The following PXYLP1 variants were observed in gnomAD, a reference collection of about 807,000 sequenced individuals.
PXYLP1 encodes acid phosphatase-like 2.
Under a neutral mutation model 37.9 loss-of-function variants are expected in PXYLP1, and 17 were observed. The ratio of observed to expected loss-of-function variants is 0.45; its 90% confidence interval spans 0.31 to 0.67. The LOEUF is 0.67. Among genes scored for constraint, PXYLP1 ranks in the 30% least tolerant of loss-of-function variants. The probability of loss-of-function intolerance (pLI) is 0.07; values close to 1 mark genes in which losing one functional copy is unlikely to be tolerated. For missense variants in PXYLP1, 511 were observed against 612.0 expected (o/e 0.84, Z 1.74); for synonymous variants, 221 against 232.2 (o/e 0.95, Z 0.44).
intron 2 of PXYLP1, chr3:141,274,335 G>T: frequency 7.1e-7 from 1 of 1,401,792 alleles, no homozygotes. Flanking sequence ...CCCTGGTGAG[G>T]CCAACCTGAC....
intron 3 of PXYLP1, among the ~76,000 whole-genome samples, chr3:141,278,717 G>T (rs1486550687): frequency 6.6e-6 from 1 of 152,182 alleles, no homozygotes; most frequent in Non-Finnish European, 1.5e-5. Context: ...TTCAGTAACT[G>T]CTCTGAACAT....
chr3:141,243,432 C>T (rs1020756734), intron 1 of PXYLP1, among the ~76,000 whole-genome samples: 12 of 152,222 alleles, frequency 7.9e-5, no homozygotes, highest in Non-Finnish European at 1.6e-4. Flanking sequence ...TCCAGCCCTC[C>T]TCCACCCTGT....
intron 2 of PXYLP1, chr3:141,262,730 T>C: frequency 6.6e-6 from 10 of 1,524,076 alleles, no homozygotes; most frequent in Non-Finnish European, 8.8e-6. Flanking sequence ...TTAGGTAAAC[T>C]GTAACTTTGG....
At position 141,251,008 on chromosome 3, in the gene PXYLP1, A is replaced by G. The variant is rs190600415; in HGVS notation, c.-53-9115A>G. On this transcript the variant is annotated intron_variant, in intron 1 of 5. Coordinates refer to ENST00000286353, the MANE Select transcript of PXYLP1 (RefSeq NM_001037172.3). ...TCTAAGAGTGGTATTCAGCCTGGTC[A>G]GTGACGAGGTTTTCTGCCTAATGCA... is the stretch of plus-strand genomic sequence containing the variant. 4.7e-3 allele frequency among the ~76,000 whole-genome samples: 721 copies of G among 152,384 alleles called. 3 individuals are homozygous for G. Among genetic ancestry groups the G allele is most frequent in the Non-Finnish European group, 7.7e-3 (524 of 68,038 alleles).
chr3:141,266,970 C>T (rs1033656156), intron 2 of PXYLP1, among the ~76,000 whole-genome samples: 1 of 152,190 alleles, frequency 6.6e-6, no homozygotes, highest in Admixed American at 6.5e-5. Context: ...ACACCTTCCT[C>T]GGTGGTTCAG....
chr3:141,268,459 G>A (rs1941585867), intron 2 of PXYLP1, among the ~76,000 whole-genome samples: 1 of 152,114 alleles, frequency 6.6e-6, no homozygotes, highest in South Asian at 2.1e-4. Context: ...CGCCTGCTGA[G>A]CCAAGCCACG....
At chr3:141,282,161 C>A (rs1358534009) in intron 4 of PXYLP1, among the ~76,000 whole-genome samples, 1 of 152,066 alleles carries the variant, frequency 6.6e-6, no homozygotes, top group African/African-American at 2.4e-5. Flanking sequence ...CCTGACCTTG[C>A]CCTCCACTCT....
At position 141,292,185 on chromosome 3, in the gene PXYLP1, G is replaced by T; in HGVS notation, c.506-83G>T. 1 of 1,357,984 alleles carries T rather than the reference G, an allele frequency of 7.4e-7. No homozygotes were observed. The highest frequency in any genetic ancestry group is 1.4e-5 in the South Asian group (1 of 71,556). The allele number at this position is 1,357,984 out of a possible 1,614,324, so 84.1% of individuals were successfully genotyped here. ...CATTCTCTTGCCCTAAAACACTCCA[G>T]AGCCACACGCTGACTCCACCTCCCC... On this transcript the variant is annotated intron_variant, in intron 5 of 5. Transcript: ENST00000286353. This position sits in a 1 kb window ranked among gnomAD's most constrained non-coding sequence, Gnocchi z 4.3.
At chr3:141,272,075 A>T (rs1559890500) in intron 2 of PXYLP1, among the ~76,000 whole-genome samples, 1 of 152,206 alleles carries the variant, frequency 6.6e-6, no homozygotes, top group African/African-American at 2.4e-5. Flanking sequence ...ATATGCAGGT[A>T]GATTTCTGTC....
chr3:141,249,428 C>T (rs563931527), intron 1 of PXYLP1, among the ~76,000 whole-genome samples: 1 of 147,886 alleles, frequency 6.8e-6, no homozygotes, highest in Non-Finnish European at 1.5e-5. Context: ...TCAGGTGTGC[C>T]TGATTTACAT....
At chr3:141,233,987 C>T (rs1940596991) in intron 1 of PXYLP1, among the ~76,000 whole-genome samples, 1 of 152,126 alleles carries the variant, frequency 6.6e-6, no homozygotes, top group Non-Finnish European at 1.5e-5. Flanking sequence ...GAAGGAACCA[C>T]CTCTGTGGCC....
intron 2 of PXYLP1, chr3:141,262,837 C>T (rs1260558871): frequency 2.6e-6 from 2 of 759,240 alleles, no homozygotes; most frequent in Non-Finnish European, 4.3e-6. Context: ...AGCACTAATT[C>T]ATAACGCACA....
At chr3:141,244,290 C>T (rs1459008892) in intron 1 of PXYLP1, among the ~76,000 whole-genome samples, 2 of 152,148 alleles carry the variant, frequency 1.3e-5, no homozygotes, top group Non-Finnish European at 2.9e-5. Flanking sequence ...AGCCATTCAG[C>T]CCAGCCTGTA....
intron 2 of PXYLP1, chr3:141,273,047 C>G (rs572723095): frequency 4.1e-6 from 4 of 985,350 alleles, no homozygotes; most frequent in African/African-American, 1.7e-5. Flanking sequence ...CCTGCACCCC[C>G]CAACCAGCAA....
At chr3:141,233,208 C>T (rs1266018460) in intron 1 of PXYLP1, among the ~76,000 whole-genome samples, 1 of 152,188 alleles carries the variant, frequency 6.6e-6, no homozygotes, top group Non-Finnish European at 1.5e-5. Flanking sequence ...TGGCTCACGC[C>T]TGTAATCCCA....
chr3:141,274,353 T>TA (rs1464961489), intron 2 of PXYLP1: 56 of 1,421,098 alleles, frequency 3.9e-5, no homozygotes, highest in Non-Finnish European at 5.0e-5. Context: ...GACCAGGCCT[T>TA]ACGGGACCCA....
At chr3:141,232,170 G>T (rs1361782600) in intron 1 of PXYLP1, among the ~76,000 whole-genome samples, 1 of 151,546 alleles carries the variant, frequency 6.6e-6, no homozygotes, top group Non-Finnish European at 1.5e-5. Flanking sequence ...CCCCCCGTGC[G>T]CCCGGTGTCC....
intron 4 of PXYLP1, among the ~76,000 whole-genome samples, chr3:141,282,159 T>C (rs115454458): frequency 0.017 from 2,541 of 152,190 alleles, 39 homozygotes; most frequent in Non-Finnish European, 0.027. Context: ...CGCCTGACCT[T>C]GCCCTCCACT....
At chr3:141,283,780 A>G (rs1427435606) in intron 4 of PXYLP1, among the ~76,000 whole-genome samples, 1 of 151,578 alleles carries the variant, frequency 6.6e-6, no homozygotes, top group East Asian at 2.0e-4. Flanking sequence ...GCTTGCCTTA[A>G]CATTCTGTGC....
Sources: gnomAD v4.1 joint callset for allele counts (sites outside exome capture counted in the v4.1 genomes callset) on GRCh38, gnomAD v4.1.1 for gene constraint, Gnocchi (gnomAD v3.1) non-coding constraint, MANE v1.5 for transcripts, NCBI Gene and HGNC (gene_info 2026-07-23, HGNC 2026-07-21) for gene names.